DAW1: variants seen among roughly 807,000 people sequenced by gnomAD.
DAW1 encodes dynein assembly factor with WD repeats 1.
In DAW1, 47 loss-of-function variants were observed where a neutral mutation model predicts 56.5. The observed-to-expected ratio is 0.83, with a 90% confidence interval of 0.66 to 1.06. The LOEUF is 1.06. Ranked by LOEUF, DAW1 falls within the 50% of genes least tolerant of loss-of-function variation. DAW1 has a pLI of 0.00. For synonymous variants in DAW1, 190 were observed against 179.0 expected, an observed-to-expected ratio of 1.06 and a Z score of -0.49; for missense variants, 505 against 499.3, an observed-to-expected ratio of 1.01 and a Z score of -0.11.
chr2:227,885,662 A>G (rs1220228905), intron 2 of DAW1, among the ~76,000 whole-genome samples: 2 of 152,160 alleles, frequency 1.3e-5, no homozygotes, highest in Non-Finnish European at 2.9e-5. Flanking sequence ...AAAAAAATAA[A>G]CCTTTTAGTT....
At position 227,891,965 on chromosome 2, in the gene DAW1, G is replaced by A. The variant is rs568160250; in HGVS notation, c.317+652G>A. Among the ~76,000 whole-genome samples, 63 of 152,236 alleles carry A rather than the reference G, an allele frequency of 4.1e-4. No individual in the cohort carries two copies. The South Asian group carries it at 8.7e-3, about 21-fold the overall frequency. On this transcript the variant is annotated intron_variant, in intron 4 of 12. Transcript: ENST00000309931. ...AAGAAGCTGTTCCACAGCTCCTGTAGCTTCTGGTGGTTTGCTGGCAATCTT... is the reference window on the plus strand; with the variant it reads ...AAGAAGCTGTTCCACAGCTCCTGTAACTTCTGGTGGTTTGCTGGCAATCTT...
rs541800966 is a variant in DAW1 at position 227,881,743 on chromosome 2, CTTTTTTTTTTTTTTT to C, written c.41-3595_41-3581del. Reference sequence around the variant, plus strand: ...ATACACTTTTTAACTCTGCCACATTCTTTTTTTTTTTTTTTTTTTTTTTTTTTGAGATAGAGTTTC... The same window carrying C: ...ATACACTTTTTAACTCTGCCACATTCTTTTTTTTTTTTGAGATAGAGTTTC... On this transcript the variant is annotated intron_variant, in intron 1 of 12. Coordinates refer to ENST00000309931, the MANE Select transcript of DAW1 (RefSeq NM_178821.3). Among the ~76,000 whole-genome samples, 4 of 78,608 alleles carry C rather than the reference CTTTTTTTTTTTTTTT, an allele frequency of 5.1e-5. No homozygotes were observed. The Admixed American group carries it at 5.3e-4, about 10-fold the overall frequency. 51.6% of individuals were successfully genotyped at this position (78,608 alleles called of 152,430 possible). A position where few individuals can be genotyped will look rare whatever the true frequency, so the allele number is the denominator to read the frequency against.
chr2:227,879,894 G>T (rs1444201225), intron 1 of DAW1, among the ~76,000 whole-genome samples: 1 of 151,966 alleles, frequency 6.6e-6, no homozygotes, highest in African/African-American at 2.4e-5. Flanking sequence ...ATGCATAGAT[G>T]ATTTTATTAT....
chr2:227,890,939 A>G (rs1344193602), intron 3 of DAW1, among the ~76,000 whole-genome samples: 1 of 152,244 alleles, frequency 6.6e-6, no homozygotes. Flanking sequence ...TAAGGAAGAC[A>G]TATTCTGACA....
rs192573284 is a variant in DAW1, at chr2:227,923,635, G to T, written c.1214-299G>T. On this transcript the variant is annotated intron_variant, in intron 12 of 12. Coordinates refer to ENST00000309931, the MANE Select transcript of DAW1 (RefSeq NM_178821.3). ...GTTTGAGGGGACGGCAGAGGGGATGGCTGAGGTGGCTGCATTCTCAAGTTC... is the reference window on the plus strand; with the variant it reads ...GTTTGAGGGGACGGCAGAGGGGATGTCTGAGGTGGCTGCATTCTCAAGTTC... 4.6e-5 allele frequency among the ~76,000 whole-genome samples: 7 copies of T among 152,178 alleles called. No homozygotes were observed. The East Asian group carries it at 1.4e-3, about 30-fold the overall frequency.
chr2:227,899,847 A>T (rs1691495674), intron 6 of DAW1, among the ~76,000 whole-genome samples: 1 of 152,216 alleles, frequency 6.6e-6, no homozygotes, highest in African/African-American at 2.4e-5. Flanking sequence ...AATGCTTGGA[A>T]ATATGTCTTG....
intron 5 of DAW1, among the ~76,000 whole-genome samples, chr2:227,894,580 A>C (rs1424189515): frequency 2.0e-5 from 3 of 152,220 alleles, no homozygotes; most frequent in African/African-American, 7.2e-5. Flanking sequence ...CTCTGGGGGA[A>C]TGTGACAGAC....
chr2:227,904,774 C>T (rs1197766551), intron 7 of DAW1, among the ~76,000 whole-genome samples, 155 bp from the exon 8 acceptor site: 1 of 152,166 alleles, frequency 6.6e-6, no homozygotes, highest in Non-Finnish European at 1.5e-5. Context: ...CCTGTGCCCA[C>T]GTGCAGACAC....
At chr2:227,900,056 A>G (rs1691502466) in intron 6 of DAW1, among the ~76,000 whole-genome samples, 1 of 152,234 alleles carries the variant, frequency 6.6e-6, no homozygotes, top group Non-Finnish European at 1.5e-5. Context: ...GAAATACTGC[A>G]GTGAAACATA....
chr2:227,873,148 C>T (rs1690796686), intron 1 of DAW1, among the ~76,000 whole-genome samples: 1 of 152,176 alleles, frequency 6.6e-6, no homozygotes. Context: ...TTCCCTAGAG[C>T]TAGGAAAAGC....
intron 10 of DAW1, chr2:227,912,438 C>T: frequency 1.5e-6 from 2 of 1,304,844 alleles, no homozygotes; most frequent in South Asian, 1.2e-5. Context: ...TGATGCTAAA[C>T]TATGCCTGTG....
In DAW1 at chr2:227,874,208, G is replaced by A. The variant is rs1222143719; in HGVS notation, c.40+2479G>A. 2.6e-5 allele frequency among the ~76,000 whole-genome samples: 4 copies of A among 152,062 alleles called. No individual in the cohort carries two copies. In the South Asian group the frequency reaches 6.2e-4, roughly 24 times the overall value. ...TATGAGCTCTGGGTTCAGAATAACG[G>A]CTTCTCACCATATACAATAATAAAA... On this transcript the variant is annotated intron_variant, in intron 1 of 12. Coordinates refer to ENST00000309931, the MANE Select transcript of DAW1 (RefSeq NM_178821.3).
chr2:227,875,394 G>C (rs1206672022), intron 1 of DAW1, among the ~76,000 whole-genome samples: 1 of 152,016 alleles, frequency 6.6e-6, no homozygotes, highest in Non-Finnish European at 1.5e-5. Flanking sequence ...TTCTCAGCTC[G>C]TTTAAAGTAA....
intron 7 of DAW1, among the ~76,000 whole-genome samples, 189 bp downstream of exon 7, chr2:227,903,298 C>G (rs746752364): frequency 3.9e-5 from 6 of 152,082 alleles, no homozygotes; most frequent in East Asian, 3.9e-4. Context: ...GTCCAAGGAG[C>G]TTTTTATTTT....
In DAW1 at chr2:227,884,303, T is replaced by C. The variant is rs374042137; in HGVS notation, c.41-1048T>C. ...TTTATAATATCTTCTTTAAAGTCCTTGTCAGATGATTCCAACCTCTGATTC... is the reference window on the plus strand; with the variant it reads ...TTTATAATATCTTCTTTAAAGTCCTCGTCAGATGATTCCAACCTCTGATTC... On this transcript the variant is annotated intron_variant, in intron 1 of 12. Coordinates refer to ENST00000309931, the MANE Select transcript of DAW1 (RefSeq NM_178821.3). Among the ~76,000 whole-genome samples, 5 of 152,228 alleles carry C rather than the reference T, an allele frequency of 3.3e-5. 1 individual carries two copies. The East Asian group carries it at 5.8e-4, about 18-fold the overall frequency.
intron 10 of DAW1, among the ~76,000 whole-genome samples, chr2:227,910,951 A>G (rs936172371): frequency 6.6e-6 from 1 of 152,070 alleles, no homozygotes; most frequent in Non-Finnish European, 1.5e-5. Flanking sequence ...CCAATCATCC[A>G]TGAGACCCTG....
At chr2:227,911,403 G>T (rs1401047363) in intron 10 of DAW1, among the ~76,000 whole-genome samples, 1 of 144,848 alleles carries the variant, frequency 6.9e-6, no homozygotes, top group Non-Finnish European at 1.5e-5. Context: ...TACATTCTGA[G>T]ATATTGTGAA....
chr2:227,906,463 AT>A lies in DAW1; in HGVS notation c.858+126del, dbSNP rs755756653. 1.3e-3 allele frequency: 904 copies of A among 714,682 alleles called. 2 individuals are homozygous for A. The highest frequency in any genetic ancestry group is 2.0e-3 in the Middle Eastern group (5 of 2,464). 44.3% of individuals were successfully genotyped at this position (714,682 alleles called of 1,614,324 possible). ...AAATTAAGATATTAATTTACAAAAAATAGTTGGTAATTTTTAAAATTTCTAG... is the reference window on the plus strand; with the variant it reads ...AAATTAAGATATTAATTTACAAAAAAAGTTGGTAATTTTTAAAATTTCTAG... On this transcript the variant is annotated intron_variant, in intron 9 of 12. Coordinates refer to ENST00000309931, the MANE Select transcript of DAW1 (RefSeq NM_178821.3).
intron 1 of DAW1, among the ~76,000 whole-genome samples, chr2:227,880,090 C>T (rs1310185275): frequency 1.3e-5 from 2 of 152,088 alleles, no homozygotes; most frequent in Non-Finnish European, 2.9e-5. Flanking sequence ...TCACAATTTT[C>T]TTTTATATTC....
Sources: gnomAD v4.1 joint callset for allele counts (sites outside exome capture counted in the v4.1 genomes callset) on GRCh38, gnomAD v4.1.1 for gene constraint, MANE v1.5 for transcripts, NCBI Gene and HGNC (gene_info 2026-07-23, HGNC 2026-07-21) for gene names.